TMTC2: variants seen among roughly 807,000 people sequenced by gnomAD.
The protein encoded by TMTC2 is transmembrane O-mannosyltransferase targeting cadherins 2.
Under a neutral mutation model 82.4 loss-of-function variants are expected in TMTC2, and 43 were observed. The observed-to-expected ratio is 0.52, with a 90% CI of 0.41 to 0.67. The LOEUF is 0.67. Ranked by LOEUF, TMTC2 falls within the 30% of genes least tolerant of loss-of-function variation. TMTC2 has a pLI of 0.00. For synonymous variants in TMTC2, 408 were observed against 381.9 expected, an observed-to-expected ratio of 1.07 and a Z score of -0.80; for missense variants, 919 against 1,012.4, an observed-to-expected ratio of 0.91 and a Z score of 1.25.
intron 1 of TMTC2, among the ~76,000 whole-genome samples, chr12:82,775,096 A>C (rs2137000737): frequency 1.3e-5 from 2 of 152,158 alleles, no homozygotes; most frequent in South Asian, 4.2e-4. Context: ...ATTTAACCAC[A>C]ATGAAAAAAA....
rs370978275 is a variant in TMTC2 at position 83,000,873 on chromosome 12, G to A, written c.2070+14827G>A. On this transcript the variant is annotated intron_variant, in intron 8 of 11. Transcript: ENST00000321196. ...TCCCAAACCTTAATTCTTGACTTCCGTGCACCTGCAGGCTCAACACCACAT... is the reference window on the plus strand; with the variant it reads ...TCCCAAACCTTAATTCTTGACTTCCATGCACCTGCAGGCTCAACACCACAT... Among the ~76,000 whole-genome samples, 134 of 152,220 alleles carry A rather than the reference G, an allele frequency of 8.8e-4. 1 individual carries two copies. In the South Asian group the frequency reaches 0.02, roughly 23 times the overall value.
intron 8 of TMTC2, among the ~76,000 whole-genome samples, chr12:82,997,408 A>ATATGTGTATATATATG (rs1184785070): frequency 2.4e-5 from 1 of 41,330 alleles, no homozygotes; most frequent in African/African-American, 5.7e-5. Flanking sequence ...GTATATATAT[A>ATATGTGTATATATATG]TGTGTATATA....
At chr12:82,932,834 C>T (rs1278709375) in intron 4 of TMTC2, among the ~76,000 whole-genome samples, 1 of 152,116 alleles carries the variant, frequency 6.6e-6, no homozygotes, top group South Asian at 2.1e-4. Flanking sequence ...CTTTGTGATA[C>T]CTGTTGGACA....
intron 11 of TMTC2, among the ~76,000 whole-genome samples, chr12:83,066,331 G>C (rs111680901): frequency 6.6e-6 from 1 of 151,842 alleles, no homozygotes; most frequent in African/African-American, 2.4e-5. Context: ...ATTTTAGCAA[G>C]AACAAGGAGA....
At chr12:82,783,021 T>C (rs1253302756) in intron 1 of TMTC2, among the ~76,000 whole-genome samples, 7 of 152,130 alleles carry the variant, frequency 4.6e-5, no homozygotes, top group Non-Finnish European at 8.8e-5. Flanking sequence ...TTATATAGTT[T>C]CTTTCACAAT....
intron 2 of TMTC2, among the ~76,000 whole-genome samples, chr12:82,887,709 A>C (rs2137165943): frequency 1.3e-5 from 2 of 152,340 alleles, no homozygotes; most frequent in Middle Eastern, 6.8e-3. Context: ...TTTGTTTATC[A>C]GAAAAGTGGG....
At position 83,001,114 on chromosome 12, in the gene TMTC2, C is replaced by T. The variant is rs368139704; in HGVS notation, c.2070+15068C>T. On this transcript the variant is annotated intron_variant, in intron 8 of 11. Transcript: ENST00000321196. The stretch of plus-strand genomic sequence containing the variant: ...GGGGCTGCCACAAAGGTCTCTGACA[C>T]GCCCTGAAGACATTTTTCCCATTGT... Among the ~76,000 whole-genome samples the T allele has an allele frequency of 9.2e-5, 14 of 152,286 alleles. No individual in the cohort carries two copies. The East Asian group carries it at 1.4e-3, about 15-fold the overall frequency.
intron 2 of TMTC2, among the ~76,000 whole-genome samples, chr12:82,894,964 AAT>A (rs1491250589): frequency 7.3e-6 from 1 of 136,586 alleles, no homozygotes; most frequent in Non-Finnish European, 1.5e-5. Context: ...CATGCCTGGC[AAT>A]TTTTTTTTTT....
intron 1 of TMTC2, among the ~76,000 whole-genome samples, chr12:82,778,623 G>A (rs1877718142): frequency 6.6e-6 from 1 of 152,070 alleles, no homozygotes; most frequent in Admixed American, 6.5e-5. Context: ...GCCGAGGCGG[G>A]CGGATCACCA....
At chr12:82,919,850 T>TTTGCTG (rs1875273866) in intron 3 of TMTC2, among the ~76,000 whole-genome samples, 1 of 152,232 alleles carries the variant, frequency 6.6e-6, no homozygotes, top group African/African-American at 2.4e-5. Context: ...GCCACGCCCA[T>TTTGCTG]GGCTTTGCTG....
intron 11 of TMTC2, among the ~76,000 whole-genome samples, chr12:83,096,008 A>C (rs576566752): frequency 3.3e-5 from 5 of 152,360 alleles, no homozygotes; most frequent in African/African-American, 1.2e-4. Flanking sequence ...AACTCCTTGC[A>C]AATGTAAAAG....
chr12:83,104,073 A>C (rs996165222), intron 11 of TMTC2, among the ~76,000 whole-genome samples: 1 of 152,228 alleles, frequency 6.6e-6, no homozygotes, highest in Non-Finnish European at 1.5e-5. Context: ...CTTTGACTGC[A>C]TGTCCCACAT....
intron 3 of TMTC2, among the ~76,000 whole-genome samples, chr12:82,902,072 T>C (rs1565801642): frequency 6.6e-6 from 1 of 152,192 alleles, no homozygotes; most frequent in South Asian, 2.1e-4. Flanking sequence ...CCCCCACGGC[T>C]CTGGGACAAG....
intron 11 of TMTC2, among the ~76,000 whole-genome samples, chr12:83,111,475 A>G (rs1884596982): frequency 6.6e-6 from 1 of 151,840 alleles, no homozygotes; most frequent in Non-Finnish European, 1.5e-5. Flanking sequence ...TTCATGTGTT[A>G]TGATGTATTC....
chr12:83,006,828 A>T (rs1391778484), intron 8 of TMTC2, among the ~76,000 whole-genome samples: 2 of 152,170 alleles, frequency 1.3e-5, no homozygotes, highest in Non-Finnish European at 2.9e-5. Flanking sequence ...GGAAACCATC[A>T]TTCTCAGCAA....
intron 1 of TMTC2, among the ~76,000 whole-genome samples, chr12:82,737,589 C>T (rs1875190164): frequency 6.6e-6 from 1 of 152,098 alleles, no homozygotes; most frequent in Non-Finnish European, 1.5e-5. Context: ...GTATAAGCAA[C>T]ATAATAGGCT....
intron 4 of TMTC2, among the ~76,000 whole-genome samples, chr12:82,948,624 T>C (rs952856423): frequency 3.9e-5 from 6 of 152,214 alleles, no homozygotes; most frequent in African/African-American, 1.4e-4. Context: ...AATTTATTGC[T>C]TTAACAGCAG....
At chr12:82,940,425 G>A (rs1796156) in intron 4 of TMTC2, among the ~76,000 whole-genome samples, 1 of 152,006 alleles carries the variant, frequency 6.6e-6, no homozygotes, top group Non-Finnish European at 1.5e-5. Flanking sequence ...TAGTTTTTTA[G>A]AAATTATTTT....
intron 1 of TMTC2, among the ~76,000 whole-genome samples, chr12:82,839,171 T>C (rs1243098186): frequency 6.6e-6 from 1 of 152,204 alleles, no homozygotes; most frequent in Non-Finnish European, 1.5e-5. Context: ...TAGAGAGTTG[T>C]ACTACAGTTT....
Sources: allele counts gnomAD v4.1 joint callset (sites outside exome capture counted in the v4.1 genomes callset), GRCh38; gene constraint gnomAD v4.1.1; transcripts MANE v1.5; gene names NCBI Gene and HGNC (gene_info 2026-07-23, HGNC 2026-07-21).